Variants in UNC5C observed in about 807,000 individuals in gnomAD.
UNC5C encodes the protein unc-5 netrin receptor C, also known as netrin receptor UNC5C.
UNC5C carries 47 observed loss-of-function variants against 99.8 expected under a neutral mutation model. That is an observed-to-expected ratio of 0.47 (90% CI 0.37 to 0.60). The LOEUF (loss-of-function observed/expected upper bound fraction) is 0.60. Ranked by LOEUF, UNC5C falls within the 20% of genes least tolerant of loss-of-function variation. The pLI is 0.00. For missense variants in UNC5C, 1,062 were observed against 1,165.9 expected (o/e 0.91, Z 1.30); for synonymous variants, 487 against 452.2 (o/e 1.08, Z -0.98).
intron 1 of UNC5C, among the ~76,000 whole-genome samples, chr4:95,525,231 G>C (rs1722466409): frequency 6.6e-6 from 1 of 152,140 alleles, no homozygotes; most frequent in South Asian, 2.1e-4. Context: ...AGAACTAATT[G>C]TTTCCCTCAA....
At chr4:95,410,743 G>T (rs963103464) in intron 1 of UNC5C, among the ~76,000 whole-genome samples, 1 of 152,090 alleles carries the variant, frequency 6.6e-6, no homozygotes, top group Non-Finnish European at 1.5e-5. Flanking sequence ...AGAGATGATG[G>T]CCTTCTGCTC....
intron 4 of UNC5C, among the ~76,000 whole-genome samples, chr4:95,267,154 G>A (rs1359878093): frequency 6.6e-6 from 1 of 152,144 alleles, no homozygotes; most frequent in Non-Finnish European, 1.5e-5. Flanking sequence ...AAAAACAGAA[G>A]ACAAATATCT....
chr4:95,411,633 C>G (rs1013585697), intron 1 of UNC5C, among the ~76,000 whole-genome samples: 1 of 152,182 alleles, frequency 6.6e-6, no homozygotes, highest in Non-Finnish European at 1.5e-5. Flanking sequence ...TACTGCAGTA[C>G]AAACTTGCAT....
intron 1 of UNC5C, among the ~76,000 whole-genome samples, chr4:95,426,745 C>T (rs1349406014): frequency 1.3e-5 from 2 of 152,210 alleles, no homozygotes; most frequent in East Asian, 3.8e-4. Context: ...AAGCAAAAGC[C>T]TAATCTAAAA....
chr4:95,319,755 G>C (rs1326281434), intron 2 of UNC5C, among the ~76,000 whole-genome samples: 3 of 152,008 alleles, frequency 2.0e-5, no homozygotes, highest in South Asian at 2.1e-4. Context: ...CATCGATTGT[G>C]GAAATTTTTA....
At chr4:95,179,605 G>C (rs1736521464) in intron 14 of UNC5C, among the ~76,000 whole-genome samples, 1 of 151,992 alleles carries the variant, frequency 6.6e-6, no homozygotes. Context: ...AAATCAGCTG[G>C]GTGTGGTGGC....
At chr4:95,526,891 T>C (rs183995342) in intron 1 of UNC5C, among the ~76,000 whole-genome samples, 1 of 152,058 alleles carries the variant, frequency 6.6e-6, no homozygotes, top group African/African-American at 2.4e-5. Context: ...TTATTTCTAC[T>C]AAGTCCTTAA....
At chr4:95,537,803 T>C (rs758467849) in intron 1 of UNC5C, among the ~76,000 whole-genome samples, 2 of 152,178 alleles carry the variant, frequency 1.3e-5, no homozygotes, top group Non-Finnish European at 2.9e-5. Flanking sequence ...CTCTCTTTTC[T>C]AATTTCGTTA....
intron 7 of UNC5C, among the ~76,000 whole-genome samples, chr4:95,237,525 G>A (rs1408148571): frequency 1.3e-5 from 2 of 152,078 alleles, no homozygotes; most frequent in Non-Finnish European, 2.9e-5. Context: ...TTTCTAACAT[G>A]TCTTATCCAA....
intron 1 of UNC5C, among the ~76,000 whole-genome samples, chr4:95,490,506 A>G (rs1234501588): frequency 6.6e-6 from 1 of 151,782 alleles, no homozygotes; most frequent in Non-Finnish European, 1.5e-5. Context: ...TATCTATGAA[A>G]TAAGGCATAA....
intron 3 of UNC5C, among the ~76,000 whole-genome samples, chr4:95,295,970 C>T (rs1337722152): frequency 6.6e-6 from 1 of 152,210 alleles, no homozygotes; most frequent in East Asian, 1.9e-4. Context: ...CCAGTAATCC[C>T]AGCTACATGG....
chr4:95,300,675 A>G (rs1282946626), intron 3 of UNC5C, among the ~76,000 whole-genome samples: 1 of 152,228 alleles, frequency 6.6e-6, no homozygotes, highest in Non-Finnish European at 1.5e-5. Flanking sequence ...ATCTTTGGAA[A>G]GTAACACAGT....
rs570901176 is a variant in UNC5C, at chr4:95,416,685, C to G, written c.125-81054G>C. On this transcript the variant is annotated intron_variant, in intron 1 of 15. Transcript: ENST00000453304. ...CAAAAATATGCTTTCACTTTCAAAA[C>G]TTCTATGGTATCATTATCAAAATGT... 5.9e-5 allele frequency among the ~76,000 whole-genome samples: 9 copies of G among 152,282 alleles called. No individual in the cohort carries two copies. In the East Asian group the frequency reaches 9.7e-4, roughly 16 times the overall value.
chr4:95,392,959 T>G (rs936645753), intron 1 of UNC5C, among the ~76,000 whole-genome samples: 2 of 152,288 alleles, frequency 1.3e-5, no homozygotes, highest in African/African-American at 4.8e-5. Flanking sequence ...AAAAAAGACA[T>G]ATACATCTCA....
At chr4:95,339,963 C>A (rs1273840319) in intron 1 of UNC5C, among the ~76,000 whole-genome samples, 1 of 152,086 alleles carries the variant, frequency 6.6e-6, no homozygotes, top group African/African-American at 2.4e-5. Context: ...TCTACTATTA[C>A]TCAATACTGA....
At chr4:95,487,698 T>C (rs1385875041) in intron 1 of UNC5C, among the ~76,000 whole-genome samples, 3 of 151,688 alleles carry the variant, frequency 2.0e-5, no homozygotes, top group Non-Finnish European at 2.9e-5. Context: ...TTATTATAAA[T>C]AGAATCTAAA....
At chr4:95,343,128 T>C (rs1579341841) in intron 1 of UNC5C, among the ~76,000 whole-genome samples, 1 of 151,936 alleles carries the variant, frequency 6.6e-6, no homozygotes, top group African/African-American at 2.4e-5. Flanking sequence ...GCCTGGCTAG[T>C]TTTGCTGCCA....
intron 3 of UNC5C, among the ~76,000 whole-genome samples, chr4:95,279,288 G>C (rs1740968687): frequency 6.6e-6 from 1 of 152,106 alleles, no homozygotes; most frequent in Non-Finnish European, 1.5e-5. Context: ...TAGAAGACTA[G>C]TCATTTCTGC....
chr4:95,391,508 T>C (rs1745358199), intron 1 of UNC5C, among the ~76,000 whole-genome samples: 1 of 152,124 alleles, frequency 6.6e-6, no homozygotes, highest in Non-Finnish European at 1.5e-5. Flanking sequence ...ATTAAATCAT[T>C]TATAAGAGAT....
Sources: allele counts gnomAD v4.1 joint callset (sites outside exome capture counted in the v4.1 genomes callset), GRCh38; gene constraint gnomAD v4.1.1; transcripts MANE v1.5; gene names NCBI Gene and HGNC (gene_info 2026-07-23, HGNC 2026-07-21).